Variants in MAPK6 observed in about 807,000 individuals in gnomAD.
MAPK6 encodes the protein mitogen-activated protein kinase 6.
MAPK6 carries 19 observed loss-of-function variants against 59.3 expected under a neutral mutation model. The ratio of observed to expected loss-of-function variants is 0.32; its 90% CI spans 0.22 to 0.47. MAPK6 has a LOEUF of 0.47. Among genes scored for constraint, MAPK6 ranks in the 20% least tolerant of loss-of-function variants. MAPK6 has a pLI of 1.00. For synonymous variants in MAPK6, 316 were observed against 290.3 expected (o/e 1.09, Z -0.90); for missense variants, 724 against 847.9 (o/e 0.85, Z 1.81).
chr15:51,987,761 A>AC (rs2057195482), intron 2 of MAPK6, among the ~76,000 whole-genome samples: 1 of 137,830 alleles, frequency 7.3e-6, no homozygotes, highest in Non-Finnish European at 1.5e-5. Context: ...GGCTCATAGT[A>AC]CTTTTTTTTT....
chr15:52,056,041 C>A (rs1223727480), intron 3 of MAPK6, among the ~76,000 whole-genome samples: 1 of 151,988 alleles, frequency 6.6e-6, no homozygotes, highest in Non-Finnish European at 1.5e-5. Flanking sequence ...AATAAAAACA[C>A]GAAGGGAAAT....
chr15:52,039,315 A>G (rs1278751253), intron 1 of MAPK6, among the ~76,000 whole-genome samples: 1 of 152,160 alleles, frequency 6.6e-6, no homozygotes, highest in African/African-American at 2.4e-5. Context: ...ATCTGGTTAC[A>G]GATTTACTGT....
At position 52,046,868 on chromosome 15, in the gene MAPK6, G is replaced by C. The variant is rs769560084; in HGVS notation, c.408G>C (p.Leu136=). 2 of 1,614,052 alleles carry C rather than the reference G, an allele frequency of 1.2e-6. No individual in the cohort carries two copies. Among genetic ancestry groups the C allele is most frequent in the Admixed American group, 3.3e-5 (2 of 59,994 alleles). Residue 136 remains leucine (L), a synonymous_variant, in exon 2 of 6, where the codon CTG becomes CTC. Transcript: ENST00000261845. ...ATGCCAGGCTTTTCATGTATCAGCTGCTACGGGGGCTCAAGTATATTCACT... is the reference window on the plus strand; with the variant it reads ...ATGCCAGGCTTTTCATGTATCAGCTCCTACGGGGGCTCAAGTATATTCACT... The part of the protein sequence containing the change: ...EEHARLFMYQ[L]LRGLKYIHSA...
chr15:52,000,154 G>T (rs1311363340), intron 2 of MAPK6, among the ~76,000 whole-genome samples: 1 of 151,756 alleles, frequency 6.6e-6, no homozygotes, highest in East Asian at 1.9e-4. Flanking sequence ...GCCCAGGGTT[G>T]TCTCAAGCTC....
At chr15:52,032,325 G>A (rs2031070429) in intron 1 of MAPK6, among the ~76,000 whole-genome samples, 1 of 151,318 alleles carries the variant, frequency 6.6e-6, no homozygotes, top group African/African-American at 2.4e-5. Context: ...CGAATAGCTG[G>A]GATTACAGTC....
chr15:52,054,749 C>CACACATACACATACAT lies in MAPK6; in HGVS notation c.701-3883_701-3882insCACATACACATACATA, dbSNP rs764393160. The stretch of plus-strand genomic sequence containing the variant: ...ATCTATACACACACACACACACACA[C>CACACATACACATACAT]ATATACACATACATAGATACACACA... On this transcript the variant is annotated intron_variant, in intron 3 of 5. Coordinates refer to ENST00000261845, the MANE Select transcript of MAPK6 (RefSeq NM_002748.4). Among the ~76,000 whole-genome samples the CACACATACACATACAT allele has an allele frequency of 4.4e-3, 659 of 150,044 alleles. 3 individuals are homozygous for CACACATACACATACAT. Among genetic ancestry groups the CACACATACACATACAT allele is most frequent in the African/African-American group, 0.015 (604 of 40,328 alleles).
Position 52,061,299 on chromosome 15 carries a change from C to G in MAPK6, c.866C>G (p.Ala289Gly), listed in dbSNP as rs2032188193. Residue 289 changes from alanine to glycine, a missense_variant and splice_region_variant, in exon 5 of 6, where the codon GCA (alanine) becomes GGA (glycine). Ala to Gly is a moderately conservative substitution (Grantham distance 60). Coordinates refer to ENST00000261845, the MANE Select transcript of MAPK6 (RefSeq NM_002748.4). ...TQLLPGISRE[A>G]LDFLEQILTF... ...AAAACTTTTACCTTTTCCTCTGCAG[C>G]ACTGGATTTCCTGGAACAAATTTTG... 4 of 1,612,918 alleles carry G rather than the reference C, an allele frequency of 2.5e-6. No individual in the cohort carries two copies. Among genetic ancestry groups the G allele is most frequent in the African/African-American group, 1.3e-5 (1 of 75,022 alleles).
chr15:52,034,826 T>A (rs1408178793), intron 1 of MAPK6, among the ~76,000 whole-genome samples: 1 of 152,050 alleles, frequency 6.6e-6, no homozygotes, highest in Non-Finnish European at 1.5e-5. Context: ...GCCTCCCAAG[T>A]ACCTGGGAGT....
intron 1 of MAPK6, among the ~76,000 whole-genome samples, chr15:52,042,443 C>G (rs1409329127): frequency 7.9e-5 from 12 of 152,162 alleles, no homozygotes; most frequent in Non-Finnish European, 1.6e-4. Context: ...TTTACCCACT[C>G]TTACCTCGTT....
At chr15:51,985,476 G>C (rs962086443) in intron 2 of MAPK6, among the ~76,000 whole-genome samples, 19 of 148,096 alleles carry the variant, frequency 1.3e-4, no homozygotes, top group Non-Finnish European at 2.7e-4. Context: ...CCAACATGGC[G>C]AAACCCCATA....
At chr15:52,027,180 C>G (rs1328561074) in intron 1 of MAPK6, among the ~76,000 whole-genome samples, 1 of 151,556 alleles carries the variant, frequency 6.6e-6, no homozygotes, top group Non-Finnish European at 1.5e-5. Context: ...GGTGAAACCC[C>G]ATCTCTACTA....
At chr15:51,994,795 AATC>A (rs1289682240) in intron 2 of MAPK6, among the ~76,000 whole-genome samples, 14 of 152,356 alleles carry the variant, frequency 9.2e-5, no homozygotes, top group African/African-American at 3.1e-4. Context: ...GCATGAATCT[AATC>A]ATGATAAAAC....
intron 4 of MAPK6, among the ~76,000 whole-genome samples, chr15:52,059,936 C>G (rs1397687740): frequency 6.6e-6 from 1 of 152,202 alleles, no homozygotes; most frequent in African/African-American, 2.4e-5. Flanking sequence ...CATGTTCTCA[C>G]CCCACATTCT....
chr15:51,987,270 A>G lies in MAPK6; in HGVS notation c.-770+3955A>G, dbSNP rs553251905. ...AAATTTCCACTGCCCCAAGAATAAAATCTGAAGTCCTCTCCTTTTGTTCAG... is the reference window on the plus strand; with the variant it reads ...AAATTTCCACTGCCCCAAGAATAAAGTCTGAAGTCCTCTCCTTTTGTTCAG... On this transcript the variant is annotated intron_variant, in intron 2 of 7. Coordinates refer to the MAPK6 transcript ENST00000691380. 6.6e-5 allele frequency among the ~76,000 whole-genome samples: 10 copies of G among 152,322 alleles called. No individual in the cohort carries two copies. In the East Asian group the frequency reaches 1.5e-3, roughly 24 times the overall value.
At chr15:52,021,704 T>C (rs1399029774) in intron 1 of MAPK6, 1 of 152,188 alleles carries the variant, frequency 6.6e-6, no homozygotes, top group Middle Eastern at 3.2e-3. Flanking sequence ...ATTGACCTTA[T>C]GTTTTTATTG....
At chr15:51,996,292 C>G (rs961453658) in intron 2 of MAPK6, among the ~76,000 whole-genome samples, 1 of 152,226 alleles carries the variant, frequency 6.6e-6, no homozygotes, top group Non-Finnish European at 1.5e-5. Context: ...GCCTGCTTGT[C>G]TCTGGATTCT....
chr15:51,974,377 C>T (rs145174472), intron 1 of MAPK6, among the ~76,000 whole-genome samples: 1 of 151,608 alleles, frequency 6.6e-6, no homozygotes, highest in East Asian at 1.9e-4. Context: ...TCTTGACAGG[C>T]CGGGCACGGT....
chr15:52,059,164 A>T (rs945821152), intron 4 of MAPK6, among the ~76,000 whole-genome samples: 1 of 152,222 alleles, frequency 6.6e-6, no homozygotes, highest in Non-Finnish European at 1.5e-5. Flanking sequence ...GCTTTTCAGT[A>T]GTTCCACATT....
chr15:52,000,869 G>A (rs76015313), intron 2 of MAPK6, among the ~76,000 whole-genome samples: 2,723 of 152,098 alleles, frequency 0.018, 83 homozygotes, highest in African/African-American at 0.063. Flanking sequence ...ATTGTATAGT[G>A]GTGAAGTTTG....
Sources: allele counts gnomAD v4.1 joint callset (sites outside exome capture counted in the v4.1 genomes callset), GRCh38; gene constraint gnomAD v4.1.1; transcripts MANE v1.5; gene names NCBI Gene and HGNC (gene_info 2026-07-23, HGNC 2026-07-21).